Variants in ERAP1 observed in about 807,000 individuals in gnomAD.
The protein encoded by ERAP1 is endoplasmic reticulum aminopeptidase 1, also known as adipocyte-derived leucine aminopeptidase.
In ERAP1, 86 loss-of-function variants were observed where a neutral mutation model predicts 103.7. That is an observed-to-expected ratio of 0.83 (90% CI 0.70 to 0.99). ERAP1 has a LOEUF of 0.99. ERAP1 is among the 50% of genes least tolerant of loss of function. The pLI is 0.00. For synonymous variants in ERAP1, 398 were observed against 402.4 expected, an observed-to-expected ratio of 0.99 and a Z score of 0.13; for missense variants, 1,009 against 1,128.4, an observed-to-expected ratio of 0.89 and a Z score of 1.52.
At chr5:96,931,655 A>G in the ERAP1 span, among the ~76,000 whole-genome samples, 1 of 152,336 alleles carries the variant, frequency 6.6e-6, no homozygotes, top group South Asian at 2.1e-4. Context: ...AATGTACAAA[A>G]TATAGTTTTG....
At chr5:96,892,530 C>A in the ERAP1 span, 1 of 1,530,502 alleles carries the variant, frequency 6.5e-7, no homozygotes, top group South Asian at 1.2e-5. Context: ...CTTCCTGAAA[C>A]AAAATAAATC....
the ERAP1 span, chr5:96,934,484 TTGTTACCAAAATATG>T: frequency 6.6e-6 from 1 of 152,136 alleles, no homozygotes; most frequent in African/African-American, 2.4e-5. Flanking sequence ...ATGAAGGCCT[TTGTTACCAAAATATG>T]GTGAGTATGT....
chr5:96,777,849 T>G (rs1439561913), intron 18 of ERAP1, among the ~76,000 whole-genome samples: 1 of 152,246 alleles, frequency 6.6e-6, no homozygotes, highest in Non-Finnish European at 1.5e-5. Flanking sequence ...TCATCTCTTC[T>G]GTCTTCACCT....
intron 12 of ERAP1, 109 bp from the exon 13 acceptor site, chr5:96,786,080 T>C (rs1775952728): frequency 5.0e-6 from 5 of 1,009,744 alleles, no homozygotes; most frequent in Non-Finnish European, 7.5e-6. Context: ...TACTGAAAAA[T>C]TTGAAAACAT....
the ERAP1 span, chr5:96,886,630 T>C: frequency 6.8e-7 from 1 of 1,475,520 alleles, no homozygotes; most frequent in Non-Finnish European, 9.2e-7. Context: ...TTTCAAGTAC[T>C]GATTATTCCT....
At chr5:96,921,631 C>T in the ERAP1 span, among the ~76,000 whole-genome samples, 2 of 152,306 alleles carry the variant, frequency 1.3e-5, no homozygotes, top group East Asian at 3.9e-4. Flanking sequence ...ATGTATTCTT[C>T]TTTCTTCCAG....
the ERAP1 span, among the ~76,000 whole-genome samples, chr5:96,853,148 A>G: frequency 5.3e-5 from 8 of 152,176 alleles, no homozygotes. Flanking sequence ...TAGGCACATA[A>G]GGGATCAAGG....
At chr5:96,896,328 A>G in the ERAP1 span, 1 of 1,483,588 alleles carries the variant, frequency 6.7e-7, no homozygotes, top group Non-Finnish European at 9.3e-7. Context: ...TTGCTTTTAC[A>G]GTGTCAAATA....
the ERAP1 span, among the ~76,000 whole-genome samples, chr5:96,927,065 C>T: frequency 2.6e-5 from 4 of 152,180 alleles, no homozygotes; most frequent in Admixed American, 6.5e-5. Context: ...GATCCATCCA[C>T]CTCAGCCTGC....
At chr5:96,888,703 TG>T in the ERAP1 span, among the ~76,000 whole-genome samples, 2 of 152,246 alleles carry the variant, frequency 1.3e-5, no homozygotes, top group Non-Finnish European at 2.9e-5. Context: ...GGGGAGCCAT[TG>T]AACATATTTG....
the ERAP1 span, among the ~76,000 whole-genome samples, chr5:96,921,861 T>G: frequency 1.3e-5 from 2 of 152,268 alleles, no homozygotes; most frequent in Admixed American, 1.3e-4. Context: ...TAGCACCTGG[T>G]ATGTCCCTTT....
chr5:96,903,819 A>C, the ERAP1 span, among the ~76,000 whole-genome samples: 1 of 152,144 alleles, frequency 6.6e-6, no homozygotes, highest in East Asian at 1.9e-4. Context: ...TAAAAATGAT[A>C]TTTGGCAACT....
At chr5:96,810,509 G>A (rs927108844), upstream of ERAP1, among the ~76,000 whole-genome samples, 1 of 152,204 alleles carries the variant, frequency 6.6e-6, no homozygotes, top group Non-Finnish European at 1.5e-5. Context: ...AACTTGCTCA[G>A]AGTCAAAGAG....
At chr5:96,771,551 C>T, downstream of ERAP1, 1 of 847,286 alleles carries the variant, frequency 1.2e-6, no homozygotes, top group South Asian at 1.7e-5. Flanking sequence ...TCCCCACTGA[C>T]TGCCATCTTT....
the ERAP1 span, among the ~76,000 whole-genome samples, chr5:96,907,296 G>C: frequency 4.6e-5 from 7 of 152,082 alleles, no homozygotes; most frequent in Non-Finnish European, 1.0e-4. Flanking sequence ...TATATAAAAA[G>C]AAAAGGAGTC....
the ERAP1 span, among the ~76,000 whole-genome samples, chr5:96,820,357 A>G: frequency 6.6e-6 from 1 of 152,162 alleles, no homozygotes; most frequent in Non-Finnish European, 1.5e-5. Context: ...TGGAACGTCA[A>G]TACTGGAAAT....
chr5:96,917,672 T>C, the ERAP1 span: 81 of 1,323,460 alleles, frequency 6.1e-5, no homozygotes, highest in African/African-American at 1.5e-5. Flanking sequence ...TTTGGGAGGC[T>C]GAGAAGGGCG....
At chr5:96,883,107 C>T in the ERAP1 span, among the ~76,000 whole-genome samples, 1 of 152,154 alleles carries the variant, frequency 6.6e-6, no homozygotes, top group African/African-American at 2.4e-5. Context: ...GTGCCACAGA[C>T]AGACCATTAG....
chr5:96,846,765 T>C, the ERAP1 span, among the ~76,000 whole-genome samples: 1 of 150,428 alleles, frequency 6.6e-6, no homozygotes, highest in Non-Finnish European at 1.5e-5. Context: ...TGCAAAAAAG[T>C]ATAAACTCAG....
Sources: gnomAD v4.1 joint callset for allele counts (sites outside exome capture counted in the v4.1 genomes callset) on GRCh38, gnomAD v4.1.1 for gene constraint, MANE v1.5 for transcripts, NCBI Gene and HGNC (gene_info 2026-07-23, HGNC 2026-07-21) for gene names.